Variants in GPR158 observed in about 807,000 individuals in gnomAD.
GPR158 encodes the protein metabotropic glycine receptor.
In GPR158, 30 loss-of-function variants were observed where a neutral mutation model predicts 78.2. The ratio of observed to expected loss-of-function variants is 0.38; its 90% confidence interval spans 0.29 to 0.52. The LOEUF is 0.52. GPR158 is among the 20% of genes least tolerant of loss of function. GPR158 has a pLI of 0.83. For missense variants in GPR158, 1,463 were observed against 1,523.5 expected, an observed-to-expected ratio of 0.96 and a Z score of 0.66; for synonymous variants, 581 against 591.1, an observed-to-expected ratio of 0.98 and a Z score of 0.25.
At chr10:25,545,780 T>C (rs1836654608) in intron 5 of GPR158, among the ~76,000 whole-genome samples, 1 of 152,124 alleles carries the variant, frequency 6.6e-6, no homozygotes, top group African/African-American at 2.4e-5. Context: ...TTCCCATCCT[T>C]CCTTCCTTTT....
At chr10:25,411,686 A>C (rs547414809) in intron 3 of GPR158, among the ~76,000 whole-genome samples, 1 of 152,232 alleles carries the variant, frequency 6.6e-6, no homozygotes, top group East Asian at 1.9e-4. Context: ...CTATAATCCC[A>C]GCACTTTGGG....
intron 1 of GPR158, among the ~76,000 whole-genome samples, chr10:25,215,866 T>G (rs1853205411): frequency 4.6e-5 from 7 of 152,124 alleles, no homozygotes; most frequent in Admixed American, 4.6e-4. Flanking sequence ...ACCAGCTCCT[T>G]CTTTAGTCCA....
At chr10:25,230,547 ATTG>A (rs1853433996) in intron 2 of GPR158, among the ~76,000 whole-genome samples, 1 of 151,668 alleles carries the variant, frequency 6.6e-6, no homozygotes, top group East Asian at 1.9e-4. Context: ...AATCAAAGAA[ATTG>A]AGAATGTTTT....
At chr10:25,178,161 A>G (rs774640961) in intron 1 of GPR158, among the ~76,000 whole-genome samples, 22 of 152,158 alleles carry the variant, frequency 1.4e-4, no homozygotes, top group Non-Finnish European at 1.6e-4. Flanking sequence ...GTTAGGTTTT[A>G]TTATTTTCTC....
At chr10:25,413,660 C>A (rs1834622958) in intron 4 of GPR158, among the ~76,000 whole-genome samples, 1 of 152,038 alleles carries the variant, frequency 6.6e-6, no homozygotes, top group Non-Finnish European at 1.5e-5. Context: ...AAAAAAAATA[C>A]CCTCTGTGAA....
At chr10:25,412,066 G>T (rs1240065077) in intron 3 of GPR158, among the ~76,000 whole-genome samples, 184 bp from the exon 4 acceptor site, 2 of 139,260 alleles carry the variant, frequency 1.4e-5, no homozygotes, top group Non-Finnish European at 3.1e-5. Flanking sequence ...AAATCAAAAA[G>T]ATAAAAAGAA....
intron 5 of GPR158, among the ~76,000 whole-genome samples, chr10:25,544,655 G>A (rs2130706823): frequency 6.6e-6 from 1 of 152,074 alleles, no homozygotes; most frequent in African/African-American, 2.4e-5. Flanking sequence ...TATGAAATTT[G>A]TCACTGAGAT....
chr10:25,314,094 A>AATTT (rs556684158), intron 2 of GPR158, among the ~76,000 whole-genome samples: 118 of 151,498 alleles, frequency 7.8e-4, no homozygotes, highest in Admixed American at 4.0e-3. Context: ...TAGGTTTTTG[A>AATTT]ATTTATTTAT....
At chr10:25,506,552 C>T (rs571825508) in intron 5 of GPR158, among the ~76,000 whole-genome samples, 6 of 152,296 alleles carry the variant, frequency 3.9e-5, no homozygotes, top group Middle Eastern at 6.8e-3. Context: ...TTATCACAGG[C>T]GTTCTTCATA....
chr10:25,353,393 T>C (rs1855501287), intron 2 of GPR158, among the ~76,000 whole-genome samples: 1 of 151,938 alleles, frequency 6.6e-6, no homozygotes, highest in Admixed American at 6.6e-5. Context: ...TGCAAAGATT[T>C]CCATAACTGA....
At position 25,522,329 on chromosome 10, in the gene GPR158, C is replaced by T. The variant is rs114533269; in HGVS notation, c.1405-28647C>T. Among the ~76,000 whole-genome samples the T allele has an allele frequency of 3.4e-3, 516 of 152,250 alleles. 4 individuals are homozygous for T. Among genetic ancestry groups the T allele is most frequent in the African/African-American group, 0.012 (498 of 41,550 alleles). On this transcript the variant is annotated intron_variant, in intron 5 of 10. Coordinates refer to ENST00000376351, the MANE Select transcript of GPR158 (RefSeq NM_020752.3). Reference sequence around the variant, plus strand: ...GGCATGGTCAGGGAATGTAATAAATCGCCTGCTTTTAAAAAGCTCTGGACA... The same window carrying T: ...GGCATGGTCAGGGAATGTAATAAATTGCCTGCTTTTAAAAAGCTCTGGACA...
chr10:25,351,657 G>A (rs1180139459), intron 2 of GPR158, among the ~76,000 whole-genome samples: 1 of 149,692 alleles, frequency 6.7e-6, no homozygotes, highest in Non-Finnish European at 1.5e-5. Flanking sequence ...GCTTTTAAGG[G>A]TGACACCCTG....
chr10:25,433,686 C>CT (rs1834953006), intron 4 of GPR158, among the ~76,000 whole-genome samples: 1 of 64,772 alleles, frequency 1.5e-5, no homozygotes, highest in Non-Finnish European at 4.1e-5. Flanking sequence ...TTCTTTCTTT[C>CT]TTTCTTTCTT....
chr10:25,214,537 C>T (rs987108099), intron 1 of GPR158, among the ~76,000 whole-genome samples: 1 of 151,958 alleles, frequency 6.6e-6, no homozygotes, highest in Admixed American at 6.6e-5. Context: ...TCCTGTTTTT[C>T]CACTAATGTC....
At chr10:25,582,856 A>C (rs1837221181) in intron 7 of GPR158, among the ~76,000 whole-genome samples, 1 of 152,222 alleles carries the variant, frequency 6.6e-6, no homozygotes, top group South Asian at 2.1e-4. Flanking sequence ...ATTACTTCTG[A>C]GGAGAGCTCC....
At chr10:25,478,493 CGTGTGTGTGT>C (rs71399974) in intron 5 of GPR158, among the ~76,000 whole-genome samples, 2,085 of 145,162 alleles carry the variant, frequency 0.014, 49 homozygotes, top group African/African-American at 0.049. Context: ...ATATATAATG[CGTGTGTGTGT>C]GTGTGTGTGT....
chr10:25,330,014 C>CTTT (rs58247937), intron 2 of GPR158, among the ~76,000 whole-genome samples: 7 of 147,764 alleles, frequency 4.7e-5, no homozygotes, highest in African/African-American at 9.9e-5. Flanking sequence ...TGAGATAATT[C>CTTT]TTTTTTTTTT....
chr10:25,405,498 CTTTTTTTTTTT>C (rs59695469), intron 3 of GPR158, among the ~76,000 whole-genome samples: 114 of 45,538 alleles, frequency 2.5e-3, no homozygotes, highest in African/African-American at 7.8e-3. Flanking sequence ...AAACAATTTC[CTTTTTTTTTTT>C]TTTTTTTTTT....
At chr10:25,358,034 C>A (rs1855576824) in intron 2 of GPR158, among the ~76,000 whole-genome samples, 1 of 152,094 alleles carries the variant, frequency 6.6e-6, no homozygotes, top group South Asian at 2.1e-4. Flanking sequence ...GACATGGAGT[C>A]AAAGGAGATC....
Sources: allele counts gnomAD v4.1 joint callset (sites outside exome capture counted in the v4.1 genomes callset), GRCh38; gene constraint gnomAD v4.1.1; transcripts MANE v1.5; gene names NCBI Gene and HGNC (gene_info 2026-07-23, HGNC 2026-07-21).